Variants in VPS9D1 observed in about 807,000 individuals in gnomAD.
VPS9D1 encodes the protein VPS9 domain-containing protein 1.
VPS9D1 carries 78 observed loss-of-function variants against 75.8 expected under a neutral mutation model. That is an observed-to-expected ratio of 1.03 (90% CI 0.86 to 1.24). VPS9D1 has a LOEUF of 1.24. VPS9D1 is among the 50% of genes most tolerant of loss of function. The probability of loss-of-function intolerance (pLI) is 0.00; values close to 1 mark genes in which losing one functional copy is unlikely to be tolerated. For missense variants in VPS9D1, 1,057 were observed against 847.7 expected (o/e 1.25, Z -3.07); for synonymous variants, 481 against 385.6 (o/e 1.25, Z -2.90).
Position 89,710,658 on chromosome 16 carries a change from C to G in VPS9D1, c.1186G>C (p.Gly396Arg), listed in dbSNP as rs777742483. 1 of 1,611,756 alleles carries G rather than the reference C, an allele frequency of 6.2e-7. No homozygotes were observed. Among genetic ancestry groups the G allele is most frequent in the East Asian group, 2.2e-5 (1 of 44,854 alleles). ...FLGTSERQGRGRGVQPEPQLQ... is the reference protein window; with the variant it reads ...FLGTSERQGRRRGVQPEPQLQ... Reference sequence around the variant, plus strand: ...TGGGGCTCCGGCTGTACCCCACGGCCCCGGCCCTGCCGCTCAGACGTCCCC... The same window carrying G: ...TGGGGCTCCGGCTGTACCCCACGGCGCCGGCCCTGCCGCTCAGACGTCCCC... Residue 396 changes from glycine (G) to arginine (R), a missense_variant, in exon 10 of 15, where the codon GGC becomes CGC. Physicochemically the swap from Gly to Arg is moderately radical, Grantham distance 125. Coordinates refer to ENST00000389386, the MANE Select transcript of VPS9D1 (RefSeq NM_004913.3).
At chr16:89,716,090 G>A (rs958218668) in intron 4 of VPS9D1, among the ~76,000 whole-genome samples, 7 of 152,072 alleles carry the variant, frequency 4.6e-5, no homozygotes, top group South Asian at 2.1e-4. Context: ...TGTGGGGGCC[G>A]GGCGCGGTGA....
intron 10 of VPS9D1, 124 bp downstream of exon 10, chr16:89,710,462 G>A: frequency 9.4e-7 from 1 of 1,060,474 alleles, no homozygotes; most frequent in Non-Finnish European, 1.3e-6. Context: ...GGCGTGAGCT[G>A]GGTGGATGTA....
rs745545056 is a variant in VPS9D1, at chr16:89,719,121, AAG to A, written c.100-21_100-20del. Reference sequence around the variant, plus strand: ...ATGCCTCCTGTGTCCAGGAAAGAGAAAGAGTGGGGTCAGGCCAGTGGAGGGAA... The same window carrying A: ...ATGCCTCCTGTGTCCAGGAAAGAGAAAGTGGGGTCAGGCCAGTGGAGGGAA... On this transcript the variant is annotated intron_variant, in intron 1 of 14. Coordinates refer to ENST00000389386, the MANE Select transcript of VPS9D1 (RefSeq NM_004913.3). 6 of 1,612,006 alleles carry A rather than the reference AAG, an allele frequency of 3.7e-6. 1 individual carries two copies. Among genetic ancestry groups the A allele is most frequent in the South Asian group, 2.2e-5 (2 of 91,036 alleles).
At chr16:89,716,239 G>A (rs927920304) in intron 4 of VPS9D1, among the ~76,000 whole-genome samples, 2 of 152,020 alleles carry the variant, frequency 1.3e-5, no homozygotes, top group Non-Finnish European at 2.9e-5. Context: ...GGTGGTGGGC[G>A]CCTGTAGTCT....
intron 8 of VPS9D1, 171 bp from the exon 9 acceptor site, chr16:89,711,583 G>A: frequency 8.8e-6 from 6 of 683,236 alleles, no homozygotes; most frequent in South Asian, 1.9e-5. Context: ...ACACCCGAGG[G>A]AAACCTTAGG....
chr16:89,718,958 C>T (rs1363662409), intron 2 of VPS9D1, 69 bp downstream of exon 2: 3 of 1,384,280 alleles, frequency 2.2e-6, no homozygotes, highest in Non-Finnish European at 3.0e-6. Context: ...CAGGTGATAG[C>T]CCGCCTCTGC....
intron 4 of VPS9D1, 51 bp from the exon 5 acceptor site, chr16:89,712,767 T>C: frequency 2.8e-6 from 4 of 1,415,586 alleles, no homozygotes; most frequent in Non-Finnish European, 3.8e-6. Flanking sequence ...CAGTGGTGTC[T>C]GGACACCAGA....
chr16:89,719,758 G>A (rs1347924139), intron 1 of VPS9D1, among the ~76,000 whole-genome samples: 1 of 152,114 alleles, frequency 6.6e-6, no homozygotes, highest in African/African-American at 2.4e-5. Context: ...TCACTCTGTC[G>A]CCCAGGCTGG....
intron 2 of VPS9D1, chr16:89,717,584 A>C (rs959557962): frequency 5.7e-5 from 26 of 456,140 alleles, no homozygotes; most frequent in Non-Finnish European, 9.3e-5. Flanking sequence ...CTTCACAGAA[A>C]ACTTCTCATA....
intron 1 of VPS9D1, chr16:89,719,396 A>C: frequency 1.9e-6 from 1 of 534,104 alleles, no homozygotes; most frequent in South Asian, 1.5e-5. Context: ...CTTTCTCTCC[A>C]GCACAGGAAC....
At position 89,719,378 on chromosome 16, in the gene VPS9D1, C is replaced by CTT. The variant is rs1461869354; in HGVS notation, c.100-277_100-276insAA. Reference sequence around the variant, plus strand: ...GACGAGCTGGACCTCATTTTCTCCTCTGACTGCCTTTCTCTCCAGCACAGG... The same window carrying CTT: ...GACGAGCTGGACCTCATTTTCTCCTCTTTGACTGCCTTTCTCTCCAGCACAGG... On this transcript the variant is annotated intron_variant, in intron 1 of 14. Coordinates refer to ENST00000389386, the MANE Select transcript of VPS9D1 (RefSeq NM_004913.3). 9.0e-6 allele frequency: 5 copies of CTT among 556,690 alleles called. No homozygotes were observed. In the Admixed American group the frequency reaches 1.1e-4, roughly 12 times the overall value. 34.5% of individuals were successfully genotyped at this position (556,690 alleles called of 1,614,324 possible). A position where few individuals can be genotyped will look rare whatever the true frequency, so the allele number is the denominator to read the frequency against.
Position 89,707,807 on chromosome 16 carries a change from G to C in VPS9D1, c.*54C>G. 6.5e-7 allele frequency: 1 copy of C among 1,528,886 alleles called. No homozygotes were observed. The highest frequency in any genetic ancestry group is 1.1e-5 in the South Asian group (1 of 88,814). The allele number at this position is 1,528,886 out of a possible 1,614,324, so 94.7% of individuals were successfully genotyped here. ...ATCCCATGGCTCCAGGTGTAGGAGA[G>C]ACAGCCCTGGGAGGCGAGGCCAGGC... On this transcript the variant is annotated 3_prime_UTR_variant, in exon 15 of 15. Coordinates refer to ENST00000389386, the MANE Select transcript of VPS9D1 (RefSeq NM_004913.3).
rs757463162 is a variant in VPS9D1, at chr16:89,710,749, G to A, written c.1095C>T (p.Pro365=). 6.3e-6 allele frequency: 10 copies of A among 1,576,330 alleles called. No individual in the cohort carries two copies. Among genetic ancestry groups the A allele is most frequent in the Admixed American group, 1.8e-5 (1 of 54,316 alleles). The stretch of plus-strand genomic sequence containing the variant: ...GCAATCCAGATGCGGTGTCCCCCAG[G>A]GGTGAGGGAGACCCCACGGGGCCGG... ...LQPGPVGSPS[P]LGDTASGLPD... Residue 365 remains proline (P), a synonymous_variant, in exon 10 of 15, where the codon CCC becomes CCT. Coordinates refer to ENST00000389386, the MANE Select transcript of VPS9D1 (RefSeq NM_004913.3).
chr16:89,717,143 G>A (rs1234337452), intron 2 of VPS9D1, among the ~76,000 whole-genome samples: 2 of 102,676 alleles, frequency 1.9e-5, no homozygotes, highest in South Asian at 4.0e-4. Flanking sequence ...CGGGCAAGCC[G>A]ACTATTCCTC....
chr16:89,709,708 G>A (rs2060871487), intron 11 of VPS9D1, 69 bp downstream of exon 11: 1 of 1,605,948 alleles, frequency 6.2e-7, no homozygotes, highest in Non-Finnish European at 8.5e-7. Context: ...AGGGAGCAGG[G>A]CAGGCCTCCT....
intron 13 of VPS9D1, 58 bp from the exon 14 acceptor site, chr16:89,708,589 C>G: frequency 1.3e-6 from 2 of 1,541,682 alleles, no homozygotes; most frequent in South Asian, 1.2e-5. Context: ...CTCCGCAAAC[C>G]CAGCAGCTGT....
intron 6 of VPS9D1, 180 bp from the exon 7 acceptor site, chr16:89,712,279 G>A: frequency 7.6e-7 from 1 of 1,317,752 alleles, no homozygotes; most frequent in Non-Finnish European, 1.0e-6. Context: ...CCGGGCCAGA[G>A]AACATGGGGG....
In VPS9D1 at chr16:89,708,400, C is replaced by A. The variant is rs780723511; in HGVS notation, c.1802+27G>T. 3.8e-6 allele frequency: 6 copies of A among 1,591,214 alleles called. No individual in the cohort carries two copies. In the South Asian group the frequency reaches 4.5e-5, roughly 12 times the overall value. ...GAGGTCCCTGCTCTTCGCACAGAGA[C>A]CCCCACCCTGACCCGCCAGGGTCTA... On this transcript the variant is annotated intron_variant, in intron 14 of 14. Coordinates refer to ENST00000389386, the MANE Select transcript of VPS9D1 (RefSeq NM_004913.3).
rs772119868 is a variant in VPS9D1, at chr16:89,719,231, G to C, written c.100-129C>G. Reference sequence around the variant, plus strand: ...TGCTTATCTCTGAGATACACCCAGAGACATTGAGCCTGCGGTGGTTAGCTG... The same window carrying C: ...TGCTTATCTCTGAGATACACCCAGACACATTGAGCCTGCGGTGGTTAGCTG... On this transcript the variant is annotated intron_variant, in intron 1 of 14. Transcript: ENST00000389386. 3.9e-5 allele frequency: 35 copies of C among 888,952 alleles called. No individual in the cohort carries two copies. In the East Asian group the frequency reaches 7.8e-4, roughly 20 times the overall value. The allele number at this position is 888,952 out of a possible 1,614,324, so 55.1% of individuals were successfully genotyped here. A position where few individuals can be genotyped will look rare whatever the true frequency, so the allele number is the denominator to read the frequency against.
Sources: allele counts gnomAD v4.1 joint callset (sites outside exome capture counted in the v4.1 genomes callset), GRCh38; gene constraint gnomAD v4.1.1; transcripts MANE v1.5; gene names NCBI Gene and HGNC (gene_info 2026-07-23, HGNC 2026-07-21).